The following B3GALT1 variants were observed in gnomAD, a reference collection of about 807,000 sequenced individuals.
B3GALT1 encodes the protein UDP-Gal:betaGlcNAc beta 1,3-galactosyltransferase, polypeptide 1.
Under a neutral mutation model 23.2 loss-of-function variants are expected in B3GALT1, and 10 were observed. The observed-to-expected ratio is 0.43, with a 90% confidence interval of 0.27 to 0.73. B3GALT1 has a LOEUF of 0.73. B3GALT1 is among the 30% of genes least tolerant of loss of function. B3GALT1 has a pLI of 0.21. For missense variants in B3GALT1, 299 were observed against 405.4 expected, an observed-to-expected ratio of 0.74 and a Z score of 2.25; for synonymous variants, 156 against 141.5, an observed-to-expected ratio of 1.10 and a Z score of -0.73.
intron 1 of B3GALT1, among the ~76,000 whole-genome samples, chr2:167,356,295 T>C (rs1697402666): frequency 6.6e-6 from 1 of 152,212 alleles, no homozygotes; most frequent in Admixed American, 6.5e-5. Context: ...TAATAGATCC[T>C]AAATACATAT....
chr2:167,616,911 A>G (rs1685171289), intron 2 of B3GALT1, among the ~76,000 whole-genome samples: 1 of 152,120 alleles, frequency 6.6e-6, no homozygotes, highest in Admixed American at 6.6e-5. Context: ...TGAGAAGGTT[A>G]TGTATTGCTT....
chr2:167,737,856 A>G (rs567338246), intron 3 of B3GALT1, among the ~76,000 whole-genome samples: 44 of 152,240 alleles, frequency 2.9e-4, no homozygotes, highest in Non-Finnish European at 6.3e-4. Flanking sequence ...TTAACCCATC[A>G]GTGGAGTTTC....
At chr2:167,623,972 T>C (rs1685301603) in intron 2 of B3GALT1, among the ~76,000 whole-genome samples, 1 of 152,040 alleles carries the variant, frequency 6.6e-6, no homozygotes, top group Non-Finnish European at 1.5e-5. Flanking sequence ...AACACCAATG[T>C]AGTAAAAATG....
intron 3 of B3GALT1, among the ~76,000 whole-genome samples, chr2:167,751,761 A>G (rs1687743283): frequency 1.3e-5 from 2 of 152,290 alleles, no homozygotes; most frequent in Admixed American, 6.5e-5. Flanking sequence ...TTCTCAGACA[A>G]TTCCTGGGGT....
At chr2:167,755,449 C>T (rs897889149) in intron 3 of B3GALT1, among the ~76,000 whole-genome samples, 12 of 149,522 alleles carry the variant, frequency 8.0e-5, no homozygotes, top group Non-Finnish European at 1.2e-4. Context: ...CATTTCTTCC[C>T]GAGAATTCTA....
intron 3 of B3GALT1, among the ~76,000 whole-genome samples, chr2:167,771,321 G>A (rs950826958): frequency 6.6e-5 from 10 of 152,158 alleles, no homozygotes; most frequent in Non-Finnish European, 8.8e-5. Flanking sequence ...CGTGTGCAGT[G>A]GCTCACGCCT....
chr2:167,682,630 A>G, intron 3 of B3GALT1, among the ~76,000 whole-genome samples: 1 of 152,146 alleles, frequency 6.6e-6, no homozygotes, highest in East Asian at 1.9e-4. Context: ...TCTGATTCTG[A>G]TGAGTAGAGG....
chr2:167,540,630 T>C (rs1683519204), intron 2 of B3GALT1, among the ~76,000 whole-genome samples: 1 of 152,222 alleles, frequency 6.6e-6, no homozygotes, highest in South Asian at 2.1e-4. Context: ...AAACAACTTG[T>C]CTCTTTTTCA....
intron 3 of B3GALT1, among the ~76,000 whole-genome samples, chr2:167,780,169 A>C (rs9287887): frequency 0.13 from 19,998 of 152,208 alleles, 1,521 homozygotes; most frequent in East Asian, 0.34. Context: ...CAAGAGTTCA[A>C]ATAAGTTTTG....
At chr2:167,627,225 A>G (rs978737279) in intron 2 of B3GALT1, among the ~76,000 whole-genome samples, 17 of 151,646 alleles carry the variant, frequency 1.1e-4, no homozygotes, top group African/African-American at 2.9e-4. Flanking sequence ...GTGAATTTTA[A>G]CAGACCTATA....
At chr2:167,707,581 G>A (rs942174220) in intron 3 of B3GALT1, among the ~76,000 whole-genome samples, 3 of 151,626 alleles carry the variant, frequency 2.0e-5, no homozygotes, top group African/African-American at 7.3e-5. Context: ...TTGAAAACCA[G>A]AAATGGTGGA....
chr2:167,637,374 G>C (rs902909434), intron 2 of B3GALT1, among the ~76,000 whole-genome samples: 7 of 151,708 alleles, frequency 4.6e-5, no homozygotes, highest in African/African-American at 1.7e-4. Context: ...TTTTTTTGTT[G>C]ATACATAATA....
At chr2:167,634,842 A>G (rs535264347) in intron 2 of B3GALT1, among the ~76,000 whole-genome samples, 1 of 152,224 alleles carries the variant, frequency 6.6e-6, no homozygotes, top group South Asian at 2.1e-4. Context: ...ATCCTCCCTA[A>G]CTCATTTTAT....
chr2:167,545,470 A>T (rs1346794422), intron 2 of B3GALT1, among the ~76,000 whole-genome samples: 1 of 152,074 alleles, frequency 6.6e-6, no homozygotes, highest in Non-Finnish European at 1.5e-5. Flanking sequence ...CTGCAGCTAG[A>T]GCTTAAACTC....
intron 2 of B3GALT1, among the ~76,000 whole-genome samples, chr2:167,568,383 A>G (rs1049537345): frequency 1.3e-5 from 2 of 152,210 alleles, no homozygotes; most frequent in Non-Finnish European, 2.9e-5. Context: ...TTATTGCTCC[A>G]TATCCTCATC....
chr2:167,593,024 C>G (rs1684710941), intron 2 of B3GALT1, among the ~76,000 whole-genome samples: 1 of 152,100 alleles, frequency 6.6e-6, no homozygotes. Context: ...AGACTGTGAA[C>G]AAGATACAGA....
intron 1 of B3GALT1, among the ~76,000 whole-genome samples, chr2:167,435,411 G>A (rs375933497): frequency 1.0e-4 from 10 of 98,968 alleles, no homozygotes; most frequent in South Asian, 3.4e-4. Flanking sequence ...TTTCTTTAGC[G>A]TGCTTTAGAA....
chr2:167,449,436 AT>A (rs1376758945), intron 1 of B3GALT1, among the ~76,000 whole-genome samples: 3 of 152,132 alleles, frequency 2.0e-5, no homozygotes, highest in Admixed American at 2.0e-4. Flanking sequence ...ATTTGTGTAC[AT>A]TAATTTTGTG....
intron 2 of B3GALT1, among the ~76,000 whole-genome samples, chr2:167,600,045 T>C (rs1684847609): frequency 6.6e-6 from 1 of 152,236 alleles, no homozygotes; most frequent in Admixed American, 6.5e-5. Flanking sequence ...ATTACCAATC[T>C]ACTTTTGTGT....
Sources: allele counts gnomAD v4.1 joint callset (sites outside exome capture counted in the v4.1 genomes callset), GRCh38; gene constraint gnomAD v4.1.1; transcripts MANE v1.5; gene names NCBI Gene and HGNC (gene_info 2026-07-23, HGNC 2026-07-21).